CTDSPL2: variants seen among roughly 807,000 people sequenced by gnomAD.
The protein encoded by CTDSPL2 is CTD small phosphatase-like protein 2.
CTDSPL2 carries 5 observed loss-of-function variants against 60.0 expected under a neutral mutation model. The ratio of observed to expected loss-of-function variants is 0.08; its 90% CI spans 0.04 to 0.18. The LOEUF (loss-of-function observed/expected upper bound fraction) is 0.18, where lower values mean the gene tolerates loss of function less well. Among genes scored for constraint, CTDSPL2 ranks in the 10% least tolerant of loss-of-function variants. The pLI, the probability that CTDSPL2 is intolerant of heterozygous loss-of-function variation, is 1.00. For synonymous variants in CTDSPL2, 186 were observed against 189.3 expected (o/e 0.98, Z 0.14); for missense variants, 370 against 548.8 (o/e 0.67, Z 3.26).
At chr15:44,455,873 A>T (rs2140682678) in intron 1 of CTDSPL2, among the ~76,000 whole-genome samples, 1 of 87,822 alleles carries the variant, frequency 1.1e-5, no homozygotes, top group African/African-American at 4.7e-5. Flanking sequence ...TTTTTTTGAG[A>T]CGGAGTCTCG....
In CTDSPL2 at chr15:44,499,730, G is replaced by T; in HGVS notation, c.886G>T (p.Glu296Ter). 6.4e-7 allele frequency: 1 copy of T among 1,566,916 alleles called. No individual in the cohort carries two copies. Among genetic ancestry groups the T allele is most frequent in the South Asian group, 1.2e-5 (1 of 86,422 alleles). Residue 296 changes from glutamate (E) to a stop codon, truncating the protein, a stop_gained, in exon 8 of 13, where the codon GAA becomes TAA. Transcript: ENST00000260327. LOFTEE classifies it high-confidence loss of function. Reference sequence around the variant, plus strand: ...AATTTCTGTTTTTTATTTTAAGGATGAAACACTAGTGCATTGTAGTCTAAA... The same window carrying T: ...AATTTCTGTTTTTTATTTTAAGGATTAAACACTAGTGCATTGTAGTCTAAA... ...PEFSLVLDLD[E>*]TLVHCSLNEL... is the part of the protein sequence containing the mutation.
chr15:44,486,988 A>T (rs1169796556), intron 4 of CTDSPL2, among the ~76,000 whole-genome samples: 1 of 152,150 alleles, frequency 6.6e-6, no homozygotes, highest in Non-Finnish European at 1.5e-5. Context: ...GCTGGTCTCA[A>T]ACTCTTGACC....
At chr15:44,467,359 G>A (rs530041252) in intron 2 of CTDSPL2, among the ~76,000 whole-genome samples, 1 of 152,134 alleles carries the variant, frequency 6.6e-6, no homozygotes, top group Non-Finnish European at 1.5e-5. Context: ...ATGTTCAGTA[G>A]CAGTGGTGAG....
intron 7 of CTDSPL2, among the ~76,000 whole-genome samples, chr15:44,497,400 C>T (rs2081318158): frequency 2.0e-5 from 3 of 152,284 alleles, no homozygotes; most frequent in African/African-American, 7.2e-5. Flanking sequence ...GAGTCTCGCT[C>T]TGTCGCCCAG....
At chr15:44,442,845 G>A (rs1422670789) in intron 1 of CTDSPL2, among the ~76,000 whole-genome samples, 2 of 152,096 alleles carry the variant, frequency 1.3e-5, no homozygotes, top group Non-Finnish European at 2.9e-5. Flanking sequence ...GCGTAGTAGT[G>A]CATGCCTGTA....
intron 8 of CTDSPL2, among the ~76,000 whole-genome samples, chr15:44,504,045 A>G (rs933789608): frequency 5.3e-5 from 8 of 152,252 alleles, no homozygotes; most frequent in Non-Finnish European, 1.2e-4. Context: ...TAATTTTCAT[A>G]TCACAGAACA....
intron 1 of CTDSPL2, among the ~76,000 whole-genome samples, chr15:44,441,170 T>G (rs986598509): frequency 6.6e-6 from 1 of 152,198 alleles, no homozygotes; most frequent in Non-Finnish European, 1.5e-5. Context: ...CTCTAATGTC[T>G]TTGGTATAAG....
chr15:44,433,353 C>G (rs1272293739), intron 1 of CTDSPL2, among the ~76,000 whole-genome samples: 2 of 139,110 alleles, frequency 1.4e-5, no homozygotes, highest in South Asian at 4.5e-4. Flanking sequence ...AAAAAAAGGA[C>G]AAAAAACAGC....
intron 1 of CTDSPL2, among the ~76,000 whole-genome samples, chr15:44,446,131 G>A (rs943454728): frequency 1.3e-5 from 2 of 151,726 alleles, no homozygotes; most frequent in African/African-American, 4.8e-5. Flanking sequence ...TCACCATATT[G>A]ACCAGGCAGT....
At position 44,490,773 on chromosome 15, in the gene CTDSPL2, C is replaced by A; in HGVS notation, c.476-11C>A. 2 of 1,608,138 alleles carry A rather than the reference C, an allele frequency of 1.2e-6. No individual in the cohort carries two copies. Among genetic ancestry groups the A allele is most frequent in the South Asian group, 1.1e-5 (1 of 90,888 alleles). On this transcript the variant is annotated splice_polypyrimidine_tract_variant and intron_variant, in intron 4 of 12. Transcript: ENST00000260327. ...TTTAAATGATGATAGTACACTGAATCATGATTTCAGGAACGTCAGGATCAG... is the reference window on the plus strand; with the variant it reads ...TTTAAATGATGATAGTACACTGAATAATGATTTCAGGAACGTCAGGATCAG...
intron 2 of CTDSPL2, among the ~76,000 whole-genome samples, chr15:44,461,095 A>G (rs1012568460): frequency 2.6e-5 from 4 of 152,200 alleles, no homozygotes; most frequent in African/African-American, 9.7e-5. Context: ...TTTTCCTTAT[A>G]TGACATATGA....
intron 2 of CTDSPL2, among the ~76,000 whole-genome samples, chr15:44,469,908 T>G (rs2080769598): frequency 6.6e-6 from 1 of 151,986 alleles, no homozygotes; most frequent in African/African-American, 2.4e-5. Flanking sequence ...CCTTCCTGGC[T>G]AACACAGTGA....
chr15:44,488,199 G>T (rs761199557), intron 4 of CTDSPL2, among the ~76,000 whole-genome samples: 6 of 151,956 alleles, frequency 3.9e-5, no homozygotes, highest in African/African-American at 7.3e-5. Flanking sequence ...TGAATAATAC[G>T]ATCAGATCTA....
intron 8 of CTDSPL2, among the ~76,000 whole-genome samples, chr15:44,503,092 A>G (rs1246939536): frequency 6.6e-6 from 1 of 152,198 alleles, no homozygotes; most frequent in African/African-American, 2.4e-5. Context: ...TGTGGACTAG[A>G]CAGAGTATAG....
In CTDSPL2 at chr15:44,496,362, T is replaced by C; in HGVS notation, c.692-18T>C. On this transcript the variant is annotated intron_variant, in intron 5 of 12. Transcript: ENST00000260327. Reference sequence around the variant, plus strand: ...CATTAAGTAAAAGCAACATTTTTTCTTTCACTATGTTAAATAGCACCAGTA... The same window carrying C: ...CATTAAGTAAAAGCAACATTTTTTCCTTCACTATGTTAAATAGCACCAGTA... 6.3e-7 allele frequency: 1 copy of C among 1,580,298 alleles called. No homozygotes were observed. Among genetic ancestry groups the C allele is most frequent in the Non-Finnish European group, 8.7e-7 (1 of 1,154,508 alleles).
chr15:44,449,129 A>G lies in CTDSPL2; in HGVS notation c.-24-9862A>G, dbSNP rs149714528. 152 of 317,014 alleles carry G rather than the reference A, an allele frequency of 4.8e-4. 1 individual carries two copies. In the East Asian group the frequency reaches 0.014, roughly 30 times the overall value. 19.6% of individuals were successfully genotyped at this position (317,014 alleles called of 1,614,324 possible). On this transcript the variant is annotated intron_variant, in intron 1 of 12. Transcript: ENST00000260327. ...TTGGGATGTTAGGATTATTTAAGAT[A>G]CTAGGTGGGATAGTAATCATTTCTG...
chr15:44,504,391 C>G (rs1172973509), intron 8 of CTDSPL2, among the ~76,000 whole-genome samples: 2 of 152,064 alleles, frequency 1.3e-5, no homozygotes, highest in Non-Finnish European at 2.9e-5. Context: ...GGGTCAGTTG[C>G]TTCTGTCTCC....
At chr15:44,489,134 C>T (rs915182793) in intron 4 of CTDSPL2, among the ~76,000 whole-genome samples, 3 of 149,756 alleles carry the variant, frequency 2.0e-5, no homozygotes, top group Non-Finnish European at 3.0e-5. Context: ...TGTCTCTTCC[C>T]CCCTCCCCCC....
intron 8 of CTDSPL2, among the ~76,000 whole-genome samples, chr15:44,502,305 A>G (rs999082534): frequency 1.3e-5 from 2 of 152,074 alleles, no homozygotes; most frequent in Non-Finnish European, 2.9e-5. Context: ...TCTGAAAGCC[A>G]GATGGAGTGT....
Sources: allele counts gnomAD v4.1 joint callset (sites outside exome capture counted in the v4.1 genomes callset), GRCh38; gene constraint gnomAD v4.1.1; transcripts MANE v1.5; gene names NCBI Gene and HGNC (gene_info 2026-07-23, HGNC 2026-07-21).